DCC: variants seen among roughly 807,000 people sequenced by gnomAD.
The protein encoded by DCC is DCC netrin 1 receptor.
Under a neutral mutation model 172.5 loss-of-function variants are expected in DCC, and 58 were observed. The observed-to-expected ratio is 0.34, with a 90% CI of 0.27 to 0.42. The LOEUF (loss-of-function observed/expected upper bound fraction) is 0.42. Ranked by LOEUF, DCC falls within the 10% of genes least tolerant of loss-of-function variation. The probability of loss-of-function intolerance (pLI) is 1.00; values close to 1 mark genes in which losing one functional copy is unlikely to be tolerated. For synonymous variants in DCC, 709 were observed against 644.5 expected (o/e 1.10, Z -1.52); for missense variants, 1,740 against 1,791.0 (o/e 0.97, Z 0.51).
chr18:53,205,145 GTTTGT>G (rs763291863), intron 9 of DCC, 66 bp from the exon 10 acceptor site: 192 of 1,181,654 alleles, frequency 1.6e-4, no homozygotes, highest in Non-Finnish European at 2.3e-4. Flanking sequence ...ATGTAATTTT[GTTTGT>G]TTTGAGAACA....
intron 7 of DCC, among the ~76,000 whole-genome samples, chr18:53,122,027 C>T (rs376491344): frequency 2.8e-4 from 43 of 152,032 alleles, no homozygotes; most frequent in African/African-American, 9.9e-4. Context: ...CTAACAGCAA[C>T]GTTGTATTTT....
At chr18:52,396,189 C>T (rs1335063841) in intron 1 of DCC, among the ~76,000 whole-genome samples, 1 of 151,732 alleles carries the variant, frequency 6.6e-6, no homozygotes, top group African/African-American at 2.4e-5. Flanking sequence ...AAAATAAATG[C>T]CTCCCTATTC....
At chr18:53,333,204 A>G (rs1242894434) in intron 14 of DCC, among the ~76,000 whole-genome samples, 1 of 152,222 alleles carries the variant, frequency 6.6e-6, no homozygotes, top group Non-Finnish European at 1.5e-5. Context: ...AAGTTTATAG[A>G]GGTGAGCGGC....
chr18:52,975,947 A>G (rs935373913), intron 5 of DCC, among the ~76,000 whole-genome samples: 8 of 152,136 alleles, frequency 5.3e-5, no homozygotes, highest in African/African-American at 1.9e-4. Flanking sequence ...GTCCTTCACA[A>G]TGGCTGAACT....
rs1375525660 is a variant in DCC at position 52,561,309 on chromosome 18, CAGAG to C, written c.92-190743_92-190740del. Among the ~76,000 whole-genome samples, 3 of 150,870 alleles carry C rather than the reference CAGAG, an allele frequency of 2.0e-5. No homozygotes were observed. In the East Asian group the frequency reaches 5.8e-4, roughly 29 times the overall value. ...GTGTATGTGTGTATGTGTATATAGG[CAGAG>C]ATCAATATGTGTATATATAATAGAT... On this transcript the variant is annotated intron_variant, in intron 1 of 28. Coordinates refer to ENST00000442544, the MANE Select transcript of DCC (RefSeq NM_005215.4).
chr18:53,099,943 C>CTTTTTTTTTTTTTTTTTT (rs533618559), intron 7 of DCC, among the ~76,000 whole-genome samples: 5 of 92,756 alleles, frequency 5.4e-5, no homozygotes, highest in East Asian at 4.5e-4. Flanking sequence ...TTCTTTCTTT[C>CTTTTTTTTTTTTTTTTTT]TTTTTTTTTT....
chr18:52,389,830 T>C (rs1985960767), intron 1 of DCC, among the ~76,000 whole-genome samples: 1 of 152,082 alleles, frequency 6.6e-6, no homozygotes, highest in African/African-American at 2.4e-5. Context: ...TTCATGAAAG[T>C]CTGGCATACA....
intron 2 of DCC, among the ~76,000 whole-genome samples, chr18:52,786,829 C>A (rs1225769956): frequency 6.6e-6 from 1 of 152,078 alleles, no homozygotes; most frequent in African/African-American, 2.4e-5. Context: ...GGGCTTTTAT[C>A]AGCTCTGCAA....
chr18:52,670,620 AC>A (rs1226613552), intron 1 of DCC, among the ~76,000 whole-genome samples: 1 of 152,178 alleles, frequency 6.6e-6, no homozygotes, highest in East Asian at 1.9e-4. Context: ...CAGGTGGATC[AC>A]CTGAGGTCAG....
chr18:52,411,111 C>T (rs1044589387), intron 1 of DCC, among the ~76,000 whole-genome samples: 1 of 152,124 alleles, frequency 6.6e-6, no homozygotes, highest in Non-Finnish European at 1.5e-5. Flanking sequence ...CCTTTTTATT[C>T]TTAGCGGTAA....
At chr18:53,302,554 A>T (rs1013815278) in intron 12 of DCC, among the ~76,000 whole-genome samples, 1 of 151,396 alleles carries the variant, frequency 6.6e-6, no homozygotes, top group African/African-American at 2.4e-5. Context: ...TGTTTTAAAT[A>T]TTTTTTTTTC....
In DCC at chr18:53,452,666, T is replaced by C. The variant is rs1164326521; in HGVS notation, c.3392+2004T>C. 2.6e-5 allele frequency among the ~76,000 whole-genome samples: 4 copies of C among 152,336 alleles called. No individual in the cohort carries two copies. The East Asian group carries it at 7.7e-4, about 29-fold the overall frequency. ...GACCTAATTAAAGAATAAGTGGTTC[T>C]ATTAATGACTGAAAATCCAAGAACA... On this transcript the variant is annotated intron_variant, in intron 23 of 28. Coordinates refer to ENST00000442544, the MANE Select transcript of DCC (RefSeq NM_005215.4).
chr18:52,843,880 G>A (rs1275939232), intron 2 of DCC, among the ~76,000 whole-genome samples: 3 of 152,058 alleles, frequency 2.0e-5, no homozygotes, highest in Non-Finnish European at 4.4e-5. Context: ...AGGGAAGAGG[G>A]GACCCACTGT....
chr18:53,262,126 G>A (rs949085986), intron 12 of DCC, among the ~76,000 whole-genome samples: 1 of 152,154 alleles, frequency 6.6e-6, no homozygotes, highest in Non-Finnish European at 1.5e-5. Flanking sequence ...AATCTTAGAG[G>A]CTTTCCTGGA....
intron 2 of DCC, among the ~76,000 whole-genome samples, chr18:52,851,799 GAAATGT>G (rs2038978656): frequency 6.6e-6 from 1 of 152,088 alleles, no homozygotes; most frequent in African/African-American, 2.4e-5. Flanking sequence ...GATATTGAAA[GAAATGT>G]AAATTTCAAA....
chr18:52,791,540 A>T (rs918548801), intron 2 of DCC, among the ~76,000 whole-genome samples: 2 of 151,596 alleles, frequency 1.3e-5, no homozygotes, highest in Non-Finnish European at 2.9e-5. Context: ...TGCAGGCATG[A>T]CCCTCAGCCA....
intron 1 of DCC, among the ~76,000 whole-genome samples, chr18:52,600,747 G>A (rs919887510): frequency 2.0e-5 from 3 of 151,856 alleles, no homozygotes; most frequent in African/African-American, 2.4e-5. Context: ...TTTTAACTAG[G>A]CCACTTGTTT....
At chr18:52,447,107 A>T (rs1019277502) in intron 1 of DCC, among the ~76,000 whole-genome samples, 6 of 152,212 alleles carry the variant, frequency 3.9e-5, no homozygotes, top group African/African-American at 1.4e-4. Context: ...GTGAAAACAC[A>T]ATATTTCTTA....
At chr18:53,360,090 A>C (rs987870822) in intron 15 of DCC, among the ~76,000 whole-genome samples, 5 of 152,076 alleles carry the variant, frequency 3.3e-5, no homozygotes, top group Non-Finnish European at 5.9e-5. Flanking sequence ...AATTTAAAGA[A>C]ATTAACCTTT....
Sources: gnomAD v4.1 joint callset for allele counts (sites outside exome capture counted in the v4.1 genomes callset) on GRCh38, gnomAD v4.1.1 for gene constraint, MANE v1.5 for transcripts, NCBI Gene and HGNC (gene_info 2026-07-23, HGNC 2026-07-21) for gene names.